Variants in CPXM2 observed in about 807,000 individuals in gnomAD.
CPXM2 encodes the protein carboxypeptidase X, M14 family member 2, also known as inactive carboxypeptidase-like protein X2.
In CPXM2, 66 loss-of-function variants were observed where a neutral mutation model predicts 86.1. The observed-to-expected ratio is 0.77, with a 90% CI of 0.63 to 0.94. The LOEUF is 0.94. Among genes scored for constraint, CPXM2 ranks in the 40% least tolerant of loss-of-function variants. The pLI is 0.00. For missense variants in CPXM2, 948 were observed against 1,026.3 expected (o/e 0.92, Z 1.04); for synonymous variants, 388 against 400.2 (o/e 0.97, Z 0.36).
rs1372623227 is a variant in CPXM2 at position 123,761,884 on chromosome 10, T to G, written c.1765A>C (p.Thr589Pro). ...EGTVNGASWH[T>P]VAGSLNDFSY... Reference sequence around the variant, plus strand: ...GAGGGAGGCTTACTTCCAGCGACGGTGTGCCAGGAGGCCCCATTGACAGTG... The same window carrying G: ...GAGGGAGGCTTACTTCCAGCGACGGGGTGCCAGGAGGCCCCATTGACAGTG... Residue 589 changes from threonine (T) to proline (P), a missense_variant, in exon 11 of 14, where the codon ACC (threonine) becomes CCC (proline). Coordinates refer to ENST00000241305, the MANE Select transcript of CPXM2 (RefSeq NM_198148.3). 6.2e-7 allele frequency: 1 copy of G among 1,613,346 alleles called. No homozygotes were observed. The highest frequency in any genetic ancestry group is 8.5e-7 in the Non-Finnish European group (1 of 1,179,794).
intron 2 of CPXM2, among the ~76,000 whole-genome samples, chr10:123,917,188 C>T (rs555150179): frequency 7.2e-5 from 11 of 152,312 alleles, no homozygotes; most frequent in South Asian, 2.1e-4. Flanking sequence ...ATATTCATAA[C>T]GTTCCCAAAT....
Position 123,885,995 on chromosome 10 carries a change from G to A in CPXM2, c.304+5361C>T, listed in dbSNP as rs540731035. Among the ~76,000 whole-genome samples, 30 of 152,296 alleles carry A rather than the reference G, an allele frequency of 2.0e-4. No individual in the cohort carries two copies. The highest frequency in any genetic ancestry group is 3.4e-3 in the Middle Eastern group (1 of 294). ...CGCGAGCCCTGGTTTCTGGAACCTT[G>A]GGCACAGGCAAGAGGAAATTTGCCA... On this transcript the variant is annotated intron_variant, in intron 1 of 13. Transcript: ENST00000241305. This position sits in a 1 kb window ranked among gnomAD's most constrained non-coding sequence, Gnocchi z 4.0.
intron 1 of CPXM2, among the ~76,000 whole-genome samples, chr10:123,882,379 G>C (rs542470452): frequency 5.9e-5 from 9 of 152,310 alleles, no homozygotes; most frequent in African/African-American, 1.9e-4. Flanking sequence ...GCTTCTGTGG[G>C]CGGGAACATC....
chr10:123,929,099 T>C (rs569413639), intron 2 of CPXM2, among the ~76,000 whole-genome samples: 1 of 152,332 alleles, frequency 6.6e-6, no homozygotes, highest in South Asian at 2.1e-4. Context: ...AGGAGACATC[T>C]GAGACCTTGT....
intron 2 of CPXM2, among the ~76,000 whole-genome samples, chr10:123,928,799 T>C (rs568899980): frequency 2.0e-5 from 3 of 152,258 alleles, no homozygotes; most frequent in Admixed American, 6.5e-5. Context: ...CCTTTGAGGC[T>C]TCCCAGACAT....
At chr10:123,788,266 C>A (rs1847116215) in intron 6 of CPXM2, among the ~76,000 whole-genome samples, 1 of 119,398 alleles carries the variant, frequency 8.4e-6, no homozygotes, top group Non-Finnish European at 1.7e-5. Context: ...GGCGACAGAG[C>A]AAGACCCCAT....
intron 12 of CPXM2, 80 bp downstream of exon 12, chr10:123,757,133 C>G (rs1846231873): frequency 7.5e-7 from 1 of 1,336,186 alleles, no homozygotes; most frequent in African/African-American, 1.4e-5. Context: ...AGCTCTAATT[C>G]CATCCCATAC....
chr10:123,768,605 A>G lies in CPXM2; in HGVS notation c.1220T>C (p.Ile407Thr). 1 of 1,614,042 alleles carries G rather than the reference A, an allele frequency of 6.2e-7. No homozygotes were observed. The highest frequency in any genetic ancestry group is 1.1e-5 in the South Asian group (1 of 91,076). ...CCGCGTCTCCTCCACCAGGTGGACG[A>G]TGCGCGCATTCCGGGCCAAGTACTC... is the stretch of plus-strand genomic sequence containing the variant. ...CQEYLARNAR[I>T]VHLVEETRIH... The change falls in exon 9 of 14, where the codon ATC (isoleucine) becomes ACC (threonine). Residue 407 changes from isoleucine (I) to threonine (T), a missense_variant. By Grantham distance (89) the Ile-to-Thr change is moderately conservative. Coordinates refer to ENST00000241305, the MANE Select transcript of CPXM2 (RefSeq NM_198148.3).
chr10:123,899,815 A>C (rs569311868), intron 2 of CPXM2, among the ~76,000 whole-genome samples: 1 of 152,320 alleles, frequency 6.6e-6, no homozygotes, highest in African/African-American at 2.4e-5. Context: ...GAAAAGTGAA[A>C]CCATAACAAT....
At chr10:123,907,541 C>T (rs990866368) in intron 2 of CPXM2, among the ~76,000 whole-genome samples, 3 of 151,798 alleles carry the variant, frequency 2.0e-5, no homozygotes, top group East Asian at 1.9e-4. Context: ...CCACCCTGAC[C>T]CTACTGGGGA....
At chr10:123,750,166 A>G in intron 13 of CPXM2, 5 of 985,164 alleles carry the variant, frequency 5.1e-6, no homozygotes, top group Non-Finnish European at 6.0e-6. Context: ...ATTTTCAAGA[A>G]ATTTGTTCTG....
chr10:123,861,946 G>A (rs150665629), intron 3 of CPXM2, among the ~76,000 whole-genome samples: 1 of 152,370 alleles, frequency 6.6e-6, no homozygotes, highest in Non-Finnish European at 1.5e-5. Flanking sequence ...TCAGGCAGGG[G>A]AACCTGCTAC....
chr10:123,942,850 AC>A (rs1285506784), upstream of CPXM2, among the ~76,000 whole-genome samples: 1 of 152,160 alleles, frequency 6.6e-6, no homozygotes, highest in Non-Finnish European at 1.5e-5. Flanking sequence ...CTGGATGGGA[AC>A]CCCTGACGGA....
intron 2 of CPXM2, among the ~76,000 whole-genome samples, chr10:123,931,010 C>T (rs550559569): frequency 2.6e-5 from 4 of 152,322 alleles, no homozygotes; most frequent in African/African-American, 9.6e-5. Context: ...TCTGAGTGTA[C>T]ACCCATATTC....
chr10:123,800,161 T>G (rs536401831), intron 4 of CPXM2, among the ~76,000 whole-genome samples: 3 of 152,066 alleles, frequency 2.0e-5, no homozygotes, highest in East Asian at 1.9e-4. Context: ...GAATTTATAC[T>G]GCCCAGTAGA....
intron 2 of CPXM2, among the ~76,000 whole-genome samples, chr10:123,929,547 T>C (rs1945649439): frequency 6.6e-6 from 1 of 152,200 alleles, no homozygotes; most frequent in South Asian, 2.1e-4. Flanking sequence ...GGAAGAAACC[T>C]CATTTTCTCC....
chr10:123,796,484 C>A (rs55939414), intron 6 of CPXM2, among the ~76,000 whole-genome samples: 1 of 152,116 alleles, frequency 6.6e-6, no homozygotes, highest in African/African-American at 2.4e-5. Context: ...AATAAGTACA[C>A]ATAAATATAA....
chr10:123,927,215 CCT>C (rs1945630598), intron 2 of CPXM2, among the ~76,000 whole-genome samples: 1 of 152,206 alleles, frequency 6.6e-6, no homozygotes, highest in Admixed American at 6.5e-5. Context: ...GACAGTCTCT[CCT>C]CTTTCTCTAC....
chr10:123,838,968 T>G (rs1221046853), intron 4 of CPXM2, among the ~76,000 whole-genome samples: 1 of 152,214 alleles, frequency 6.6e-6, no homozygotes, highest in Non-Finnish European at 1.5e-5. Flanking sequence ...CTCAGACTCA[T>G]GCAAAGCAGC....
Sources: allele counts gnomAD v4.1 joint callset (sites outside exome capture counted in the v4.1 genomes callset), GRCh38; gene constraint gnomAD v4.1.1; non-coding constraint Gnocchi (gnomAD v3.1); transcripts MANE v1.5; gene names NCBI Gene and HGNC (gene_info 2026-07-23, HGNC 2026-07-21).